Variants in CCNY observed in about 807,000 individuals in gnomAD.
CCNY encodes the protein cyclin Y, also known as cyclin-Y.
CCNY carries 19 observed loss-of-function variants against 42.8 expected under a neutral mutation model. That is an observed-to-expected ratio of 0.44 (90% CI 0.31 to 0.65). The LOEUF (loss-of-function observed/expected upper bound fraction) is 0.65, where lower values mean the gene tolerates loss of function less well. Ranked by LOEUF, CCNY falls within the 30% of genes least tolerant of loss-of-function variation. The probability of loss-of-function intolerance (pLI) is 0.07; values close to 1 mark genes in which losing one functional copy is unlikely to be tolerated. For synonymous variants in CCNY, 165 were observed against 162.7 expected (o/e 1.01, Z -0.11); for missense variants, 370 against 437.3 (o/e 0.85, Z 1.37).
intron 1 of CCNY, among the ~76,000 whole-genome samples, chr10:35,357,948 C>G (rs1836594453): frequency 6.6e-6 from 1 of 151,820 alleles, no homozygotes; most frequent in Non-Finnish European, 1.5e-5. Flanking sequence ...CTTAAGTTGT[C>G]CAAACTTTGA....
At chr10:35,519,780 T>C (rs1181746594) in intron 4 of CCNY, among the ~76,000 whole-genome samples, 20 of 127,562 alleles carry the variant, frequency 1.6e-4, no homozygotes, top group South Asian at 8.2e-4. Flanking sequence ...TCTTTTCTTT[T>C]TTTTTTTTTT....
intron 1 of CCNY, among the ~76,000 whole-genome samples, chr10:35,361,118 A>C (rs1040964987): frequency 3.9e-5 from 6 of 152,140 alleles, no homozygotes; most frequent in Admixed American, 1.3e-4. Flanking sequence ...CGGCCTCCCA[A>C]AGTGCTGGGA....
intron 3 of CCNY, among the ~76,000 whole-genome samples, chr10:35,312,179 C>T (rs1353694299): frequency 2.6e-5 from 4 of 151,850 alleles, no homozygotes; most frequent in Non-Finnish European, 5.9e-5. Context: ...AGATCAAGAC[C>T]GTCCTAGCTA....
intron 1 of CCNY, among the ~76,000 whole-genome samples, chr10:35,456,290 A>C (rs1365018561): frequency 6.6e-6 from 1 of 152,256 alleles, no homozygotes; most frequent in Non-Finnish European, 1.5e-5. Context: ...TGTGGCAGCC[A>C]TGTGCTTCTT....
chr10:35,250,269 G>A (rs2095710977), intron 2 of CCNY, among the ~76,000 whole-genome samples: 1 of 151,964 alleles, frequency 6.6e-6, no homozygotes, highest in Non-Finnish European at 1.5e-5. Context: ...GGAGGCTGAG[G>A]CAGGAGAATC....
At chr10:35,451,912 G>T (rs1838927273) in intron 1 of CCNY, among the ~76,000 whole-genome samples, 1 of 152,182 alleles carries the variant, frequency 6.6e-6, no homozygotes, top group Non-Finnish European at 1.5e-5. Flanking sequence ...CAGTGACTTT[G>T]GGCCTGGCAG....
chr10:35,546,102 C>T (rs1227796075), intron 7 of CCNY, among the ~76,000 whole-genome samples: 3 of 152,086 alleles, frequency 2.0e-5, no homozygotes, highest in Non-Finnish European at 4.4e-5. Context: ...AGTCTTCACC[C>T]GTATGATTTC....
intron 3 of CCNY, among the ~76,000 whole-genome samples, chr10:35,317,256 G>A (rs1220744509): frequency 6.6e-6 from 1 of 152,154 alleles, no homozygotes; most frequent in Non-Finnish European, 1.5e-5. Context: ...CTTCCAATGT[G>A]TTAGGATTAC....
intron 3 of CCNY, among the ~76,000 whole-genome samples, chr10:35,322,208 G>A (rs2135096377): frequency 6.6e-6 from 1 of 152,146 alleles, no homozygotes; most frequent in East Asian, 1.9e-4. Context: ...ACAAAAATTA[G>A]CTGGGCATCG....
intron 7 of CCNY, among the ~76,000 whole-genome samples, chr10:35,550,299 G>GCACTGCTCATGGCCCATGACCCTA (rs1278370034): frequency 1.3e-5 from 2 of 152,038 alleles, no homozygotes; most frequent in South Asian, 4.1e-4. Context: ...TTGTGACCCT[G>GCACTGCTCATGGCCCATGACCCTA]CACTGCTCAT....
At chr10:35,427,984 G>C (rs1388385161) in intron 1 of CCNY, among the ~76,000 whole-genome samples, 1 of 152,150 alleles carries the variant, frequency 6.6e-6, no homozygotes, top group Non-Finnish European at 1.5e-5. Context: ...CTATTACCTA[G>C]TGGTGAAGAT....
At chr10:35,517,333 C>T (rs183513372) in intron 4 of CCNY, among the ~76,000 whole-genome samples, 40 of 152,156 alleles carry the variant, frequency 2.6e-4, no homozygotes, top group Admixed American at 1.2e-3. Flanking sequence ...TAATAATGAC[C>T]CTTGGCAAGT....
At chr10:35,249,043 G>C (rs1379693143) in intron 2 of CCNY, among the ~76,000 whole-genome samples, 1 of 152,036 alleles carries the variant, frequency 6.6e-6, no homozygotes, top group Non-Finnish European at 1.5e-5. Context: ...CGCCTCGCAG[G>C]CTCAAGTGAT....
At chr10:35,516,661 CTTTTTTTTT>C (rs35268084) in intron 4 of CCNY, 38 bp downstream of exon 4, 237 of 327,500 alleles carry the variant, frequency 7.2e-4, no homozygotes, top group African/African-American at 6.6e-3. Flanking sequence ...TCCTTCCTTC[CTTTTTTTTT>C]TTTTTTTTTT....
intron 3 of CCNY, among the ~76,000 whole-genome samples, chr10:35,296,002 A>C (rs1302818889): frequency 6.6e-6 from 1 of 152,170 alleles, no homozygotes; most frequent in African/African-American, 2.4e-5. Flanking sequence ...AGCATATCAG[A>C]CTCTCCAGGG....
intron 1 of CCNY, among the ~76,000 whole-genome samples, chr10:35,392,246 A>T (rs963027745): frequency 6.6e-6 from 1 of 152,210 alleles, no homozygotes; most frequent in Non-Finnish European, 1.5e-5. Context: ...GAGTTTTATT[A>T]ACTCATTTGA....
intron 1 of CCNY, among the ~76,000 whole-genome samples, chr10:35,445,603 G>A (rs938372744): frequency 3.9e-5 from 6 of 152,166 alleles, no homozygotes; most frequent in Non-Finnish European, 1.5e-5. Flanking sequence ...GCCATGTTTT[G>A]AGGCTATTTG....
At chr10:35,395,047 G>A (rs1258955697) in intron 1 of CCNY, among the ~76,000 whole-genome samples, 2 of 140,188 alleles carry the variant, frequency 1.4e-5, no homozygotes, top group Non-Finnish European at 3.0e-5. Context: ...TTATGAAGCA[G>A]CCTTGTTTGC....
intron 1 of CCNY, among the ~76,000 whole-genome samples, chr10:35,418,409 G>A (rs1794436376): frequency 6.6e-6 from 1 of 152,140 alleles, no homozygotes; most frequent in African/African-American, 2.4e-5. Context: ...GAGAGAACAA[G>A]ATAGAAAAAA....
Sources: gnomAD v4.1 joint callset for allele counts (sites outside exome capture counted in the v4.1 genomes callset) on GRCh38, gnomAD v4.1.1 for gene constraint, MANE v1.5 for transcripts, NCBI Gene and HGNC (gene_info 2026-07-23, HGNC 2026-07-21) for gene names.